ZC3H12B: variants seen among roughly 807,000 people sequenced by gnomAD.
ZC3H12B encodes zinc finger CCCH-type containing 12B.
ZC3H12B carries 7 observed loss-of-function variants against 43.9 expected under a neutral mutation model. That is an observed-to-expected ratio of 0.16 (90% CI 0.09 to 0.30). The LOEUF (loss-of-function observed/expected upper bound fraction) is 0.30. Among genes scored for constraint, ZC3H12B ranks in the 10% least tolerant of loss-of-function variants. The pLI, the probability that ZC3H12B is intolerant of heterozygous loss-of-function variation, is 1.00. For missense variants in ZC3H12B, 475 were observed against 670.2 expected (o/e 0.71, Z 3.22); for synonymous variants, 222 against 241.7 (o/e 0.92, Z 0.76).
the ZC3H12B span, among the ~76,000 whole-genome samples, chrX:65,341,933 A>G: frequency 8.9e-6 from 1 of 111,759 alleles, no homozygotes. Flanking sequence ...CTGAATGTAT[A>G]CAAGCTAAAT....
the ZC3H12B span, among the ~76,000 whole-genome samples, chrX:65,109,439 T>C: frequency 8.0e-5 from 9 of 112,024 alleles, no homozygotes; most frequent in African/African-American, 2.3e-4. Flanking sequence ...CATCTAAATG[T>C]AATCATAACA....
the ZC3H12B span, among the ~76,000 whole-genome samples, chrX:65,130,967 G>A: frequency 5.3e-5 from 6 of 112,228 alleles, no homozygotes; most frequent in Admixed American, 9.4e-5. Flanking sequence ...AAGTAAAGTG[G>A]TCTTGAGAAG....
the ZC3H12B span, among the ~76,000 whole-genome samples, chrX:65,065,073 G>A: frequency 9.0e-6 from 1 of 110,627 alleles, no homozygotes; most frequent in Non-Finnish European, 1.9e-5. Flanking sequence ...ACTGCACACT[G>A]ATGGGTTTTG....
At chrX:65,155,711 T>A in the ZC3H12B span, among the ~76,000 whole-genome samples, 2 of 110,643 alleles carry the variant, frequency 1.8e-5, no homozygotes, top group Admixed American at 9.7e-5. Context: ...AATAAAAAAA[T>A]TAGCCAGGCG....
At chrX:65,303,591 A>G in the ZC3H12B span, among the ~76,000 whole-genome samples, 2 of 111,950 alleles carry the variant, frequency 1.8e-5, no homozygotes, top group Non-Finnish European at 3.8e-5. Flanking sequence ...TAATGTTGGA[A>G]GACTGAATGC....
At chrX:65,074,676 TCTGA>T in the ZC3H12B span, among the ~76,000 whole-genome samples, 2 of 112,210 alleles carry the variant, frequency 1.8e-5, no homozygotes, top group East Asian at 2.8e-4. Context: ...TTTTTGTTTC[TCTGA>T]CTAATAATTT....
chrX:65,153,811 C>G, the ZC3H12B span, among the ~76,000 whole-genome samples: 3 of 110,801 alleles, frequency 2.7e-5, no homozygotes, highest in African/African-American at 9.9e-5. Context: ...TTCACAATAG[C>G]AAAGACTTGG....
At chrX:65,378,060 C>T (rs1051246295) in intron 2 of ZC3H12B, among the ~76,000 whole-genome samples, 7 of 110,184 alleles carry the variant, frequency 6.4e-5, no homozygotes, top group Non-Finnish European at 1.3e-4. Context: ...GATTGTGCCA[C>T]TGCACTCCCG....
intron 2 of ZC3H12B, among the ~76,000 whole-genome samples, chrX:65,392,055 G>A (rs1051237615): frequency 2.2e-4 from 25 of 111,570 alleles, no homozygotes; most frequent in African/African-American, 4.6e-4. Flanking sequence ...ATGGAGTCTC[G>A]CTCACTCAGT....
the ZC3H12B span, among the ~76,000 whole-genome samples, chrX:65,067,726 C>T: frequency 5.5e-5 from 6 of 109,233 alleles, no homozygotes; most frequent in East Asian, 1.7e-3. Context: ...TTTTTTATTT[C>T]AATTGCATTC....
chrX:65,254,546 A>C, the ZC3H12B span, among the ~76,000 whole-genome samples: 1 of 112,380 alleles, frequency 8.9e-6, no homozygotes, highest in Non-Finnish European at 1.9e-5. Flanking sequence ...GATAAAAGCA[A>C]AAGGAAAAAC....
the ZC3H12B span, among the ~76,000 whole-genome samples, chrX:65,162,234 A>G: frequency 1.8e-5 from 2 of 110,543 alleles, no homozygotes; most frequent in Non-Finnish European, 3.8e-5. Context: ...TGAATCTGAC[A>G]ATTATGTGTC....
At chrX:65,502,191 C>T in exon 5 of ZC3H12B, 2 of 1,211,482 alleles carry the variant, frequency 1.7e-6, no homozygotes, top group Non-Finnish European at 2.2e-6. Flanking sequence ...CCAGGATCCT[C>T]CCATTTCCCC....
At chrX:65,451,533 G>A (rs1164010077) in intron 3 of ZC3H12B, among the ~76,000 whole-genome samples, 4 of 110,797 alleles carry the variant, frequency 3.6e-5, no homozygotes, top group Non-Finnish European at 7.6e-5. Context: ...TAGATATGGA[G>A]GTATCACTAT....
At chrX:65,160,670 G>A in the ZC3H12B span, among the ~76,000 whole-genome samples, 1 of 111,050 alleles carries the variant, frequency 9.0e-6, no homozygotes, top group East Asian at 2.8e-4. Context: ...TATTAGTCTT[G>A]CTAATGGTGT....
At chrX:65,289,186 A>G in the ZC3H12B span, among the ~76,000 whole-genome samples, 2 of 111,269 alleles carry the variant, frequency 1.8e-5, no homozygotes, top group Middle Eastern at 9.2e-3. Context: ...TACAAGTTCA[A>G]TGTAATCCCA....
At chrX:65,275,795 C>A in the ZC3H12B span, among the ~76,000 whole-genome samples, 1 of 111,885 alleles carries the variant, frequency 8.9e-6, no homozygotes, top group South Asian at 3.7e-4. Flanking sequence ...CATGAAGAAG[C>A]CAAATAATAT....
chrX:65,117,087 G>C, the ZC3H12B span, among the ~76,000 whole-genome samples: 1 of 111,930 alleles, frequency 8.9e-6, no homozygotes, highest in Non-Finnish European at 1.9e-5. Context: ...GAATGGGATG[G>C]CTGGGTCAAA....
At chrX:65,143,249 T>C in the ZC3H12B span, among the ~76,000 whole-genome samples, 59 of 111,308 alleles carry the variant, frequency 5.3e-4, no homozygotes, top group African/African-American at 1.9e-3. Flanking sequence ...TAAGGTTTTT[T>C]TGTTTCTTTG....
Sources: allele counts gnomAD v4.1 joint callset (sites outside exome capture counted in the v4.1 genomes callset), GRCh38; gene constraint gnomAD v4.1.1; transcripts MANE v1.5; gene names NCBI Gene and HGNC (gene_info 2026-07-23, HGNC 2026-07-21).